Variants in NAA11 observed in about 807,000 individuals in gnomAD.
NAA11 encodes the protein N-alpha-acetyltransferase 11, NatA catalytic subunit, also known as N-alpha-acetyltransferase 11.
A neutral mutation model predicts 16.1 loss-of-function variants in NAA11; 15 were observed. The observed-to-expected ratio is 0.93, with a 90% confidence interval of 0.62 to 1.44. NAA11 has a LOEUF of 1.44. Among genes scored for constraint, NAA11 ranks in the 40% most tolerant of loss-of-function variants. The probability of loss-of-function intolerance (pLI) is 0.00; values close to 1 mark genes in which losing one functional copy is unlikely to be tolerated. For missense variants in NAA11, 298 were observed against 291.3 expected, an observed-to-expected ratio of 1.02 and a Z score of -0.17; for synonymous variants, 122 against 112.4, an observed-to-expected ratio of 1.09 and a Z score of -0.54.
At chr4:79,269,942 C>T (rs1722451976) in intron 2 of NAA11, among the ~76,000 whole-genome samples, 1 of 152,130 alleles carries the variant, frequency 6.6e-6, no homozygotes, top group African/African-American at 2.4e-5. Flanking sequence ...TTTCCCAGCA[C>T]CATAGTATTA....
intron 1 of NAA11, among the ~76,000 whole-genome samples, chr4:79,318,971 A>G (rs1724012058): frequency 6.6e-6 from 1 of 151,566 alleles, no homozygotes; most frequent in South Asian, 2.1e-4. Flanking sequence ...AGACTGGAGC[A>G]CAGTGGTACA....
chr4:79,247,185 T>C (rs1721859020), intron 2 of NAA11, among the ~76,000 whole-genome samples: 1 of 152,218 alleles, frequency 6.6e-6, no homozygotes, highest in Non-Finnish European at 1.5e-5. Context: ...ACTATCATTG[T>C]GTATTTTGAT....
the NAA11 span, among the ~76,000 whole-genome samples, chr4:79,164,895 G>A: frequency 6.6e-6 from 1 of 152,182 alleles, no homozygotes; most frequent in African/African-American, 2.4e-5. Flanking sequence ...GTGGGAGGCT[G>A]GTGTTATAGC....
rs902920833 is a variant in NAA11, at chr4:79,277,707, G to A, written c.*122+16298C>T. Among the ~76,000 whole-genome samples, 12 of 151,784 alleles carry A rather than the reference G, an allele frequency of 7.9e-5. No homozygotes were observed. In the East Asian group the frequency reaches 1.8e-3, roughly 22 times the overall value. ...TGCTACCTGCTCTGCCCTGACTCCC[G>A]CCAAAGCACTCACCCCGTCATTCTC... On this transcript the variant is annotated intron_variant and NMD_transcript_variant, in intron 2 of 2. Transcript: ENST00000511542.
chr4:79,162,141 G>A, the NAA11 span, among the ~76,000 whole-genome samples: 1 of 152,140 alleles, frequency 6.6e-6, no homozygotes, highest in Non-Finnish European at 1.5e-5. Context: ...TTGCTAGTAT[G>A]TAGAAATATA....
At chr4:79,302,238 C>T (rs891167736) in intron 1 of NAA11, among the ~76,000 whole-genome samples, 4 of 152,150 alleles carry the variant, frequency 2.6e-5, no homozygotes, top group Non-Finnish European at 2.9e-5. Flanking sequence ...AATTTTCCTT[C>T]TCTTCTGAAG....
At chr4:79,311,810 T>TG (rs1160060210), downstream of NAA11, among the ~76,000 whole-genome samples, 1 of 152,130 alleles carries the variant, frequency 6.6e-6, no homozygotes. Flanking sequence ...CCCCAACAAT[T>TG]ATAAAGAAGA....
At chr4:79,282,749 A>C (rs1722822744) in intron 2 of NAA11, among the ~76,000 whole-genome samples, 1 of 152,126 alleles carries the variant, frequency 6.6e-6, no homozygotes, top group Admixed American at 6.6e-5. Context: ...CTAAAAGCCT[A>C]TTTCAGGTGA....
the NAA11 span, among the ~76,000 whole-genome samples, chr4:79,163,688 C>G: frequency 6.6e-6 from 1 of 152,112 alleles, no homozygotes; most frequent in Admixed American, 6.6e-5. Context: ...AAGGTGGATG[C>G]TTGGAAGACA....
the NAA11 span, among the ~76,000 whole-genome samples, chr4:79,197,828 A>C: frequency 6.6e-6 from 1 of 151,828 alleles, no homozygotes; most frequent in Non-Finnish European, 1.5e-5. Context: ...AAAGCACCTG[A>C]CTCTTGCTGG....
the NAA11 span, among the ~76,000 whole-genome samples, chr4:79,204,523 C>T: frequency 3.3e-5 from 5 of 150,748 alleles, no homozygotes; most frequent in Non-Finnish European, 7.4e-5. Context: ...CCCTCCCTCC[C>T]TTCCTCCCTC....
At chr4:79,211,087 GTATT>G in the NAA11 span, among the ~76,000 whole-genome samples, 3 of 152,088 alleles carry the variant, frequency 2.0e-5, no homozygotes, top group African/African-American at 7.2e-5. Context: ...TCAGCATTAA[GTATT>G]TATTATGTTT....
At chr4:79,324,191 T>C (rs1432787297) in intron 1 of NAA11, among the ~76,000 whole-genome samples, 1 of 152,188 alleles carries the variant, frequency 6.6e-6, no homozygotes. Context: ...TGCTGGATTA[T>C]TTTAAAGGAA....
chr4:79,311,627 A>G (rs1234639809), intron 1 of NAA11, among the ~76,000 whole-genome samples: 4 of 152,218 alleles, frequency 2.6e-5, no homozygotes, highest in Admixed American at 2.6e-4. Flanking sequence ...ACATTTCCAA[A>G]GCAGGTACCT....
intron 2 of NAA11, among the ~76,000 whole-genome samples, chr4:79,251,927 T>A (rs1266977903): frequency 1.3e-5 from 2 of 152,154 alleles, no homozygotes; most frequent in African/African-American, 2.4e-5. Flanking sequence ...AATAGCAAAG[T>A]CATGGAATCA....
intron 1 of NAA11, 35 bp downstream of exon 1, chr4:79,325,141 G>A (rs1724221207): frequency 2.0e-6 from 3 of 1,510,502 alleles, no homozygotes; most frequent in South Asian, 1.3e-5. Context: ...AGGGATTTAG[G>A]AGAAGGGGGT....
chr4:79,246,387 A>G (rs1324910192), intron 2 of NAA11, among the ~76,000 whole-genome samples: 1 of 34,346 alleles, frequency 2.9e-5, no homozygotes, highest in Non-Finnish European at 8.0e-5. Context: ...TAAAAAAAAA[A>G]AAAAAAAAAA....
At chr4:79,288,782 A>G (rs537893873) in intron 2 of NAA11, among the ~76,000 whole-genome samples, 24 of 152,324 alleles carry the variant, frequency 1.6e-4, no homozygotes, top group Admixed American at 5.9e-4. Context: ...TAAATTTCAG[A>G]AAATCAAGAA....
At chr4:79,159,731 A>T in the NAA11 span, among the ~76,000 whole-genome samples, 34,697 of 151,394 alleles carry the variant, frequency 0.23, 4,572 homozygotes, top group Middle Eastern at 0.37. Flanking sequence ...GTTCTTTGAA[A>T]ACCATGAATC....
Sources: gnomAD v4.1 joint callset for allele counts (sites outside exome capture counted in the v4.1 genomes callset) on GRCh38, gnomAD v4.1.1 for gene constraint, MANE v1.5 for transcripts, NCBI Gene and HGNC (gene_info 2026-07-23, HGNC 2026-07-21) for gene names.